SYT14: variants seen among roughly 807,000 people sequenced by gnomAD.
SYT14 encodes synaptotagmin-14.
Under a neutral mutation model 74.2 loss-of-function variants are expected in SYT14, and 32 were observed. That is an observed-to-expected ratio of 0.43 (90% CI 0.33 to 0.58). The LOEUF is 0.58. Among genes scored for constraint, SYT14 ranks in the 20% least tolerant of loss-of-function variants. SYT14 has a pLI of 0.05. For missense variants in SYT14, 791 were observed against 981.8 expected (o/e 0.81, Z 2.60); for synonymous variants, 298 against 337.7 (o/e 0.88, Z 1.29).
At chr1:209,978,020 C>T (rs950442143) in intron 2 of SYT14, among the ~76,000 whole-genome samples, 7 of 152,140 alleles carry the variant, frequency 4.6e-5, no homozygotes, top group Non-Finnish European at 7.3e-5. Context: ...CTTGTGCATT[C>T]GTCACGTAGT....
At chr1:210,141,388 C>T (rs1159389234) in intron 7 of SYT14, among the ~76,000 whole-genome samples, 1 of 152,086 alleles carries the variant, frequency 6.6e-6, no homozygotes, top group Non-Finnish European at 1.5e-5. Context: ...GATCACAAAT[C>T]CTGAAGCTTT....
At chr1:209,964,408 A>AT (rs1165599731) in intron 2 of SYT14, among the ~76,000 whole-genome samples, 2 of 151,984 alleles carry the variant, frequency 1.3e-5, no homozygotes, top group Non-Finnish European at 2.9e-5. Context: ...TGTAGTTAAG[A>AT]TTTTTTTCTT....
At chr1:210,135,910 G>A (rs2082775749) in intron 7 of SYT14, among the ~76,000 whole-genome samples, 1 of 152,200 alleles carries the variant, frequency 6.6e-6, no homozygotes, top group Non-Finnish European at 1.5e-5. Flanking sequence ...TGTTCAGAAT[G>A]TGAATTATTC....
At chr1:209,977,016 T>C (rs2079378932) in intron 2 of SYT14, among the ~76,000 whole-genome samples, 2 of 152,238 alleles carry the variant, frequency 1.3e-5, no homozygotes, top group Non-Finnish European at 2.9e-5. Context: ...TATCAGAGAC[T>C]AGGTTTGCAA....
intron 5 of SYT14, among the ~76,000 whole-genome samples, chr1:210,089,943 G>A (rs1263054837): frequency 1.3e-5 from 2 of 152,188 alleles, no homozygotes; most frequent in East Asian, 1.9e-4. Context: ...AACCTCTAGC[G>A]GTTTCCCATT....
chr1:210,120,375 T>TG lies in SYT14; in HGVS notation c.2034+19914_2034+19915insG, dbSNP rs200434654. ...TTTGGTGTTTTTGCTGTTTTTTTTT[T>TG]TTTTGTTTGAGATAGGGTCACTCTG... On this transcript the variant is annotated intron_variant, in intron 7 of 9. Coordinates refer to ENST00000637265, the Ensembl canonical transcript of SYT14. Among the ~76,000 whole-genome samples the TG allele has an allele frequency of 7.6e-3, 1,105 of 145,748 alleles. 7 individuals carry two copies. The highest frequency in any genetic ancestry group is 0.029 in the African/African-American group (1,037 of 36,056).
chr1:210,005,253 C>G (rs1026068786), intron 2 of SYT14, among the ~76,000 whole-genome samples: 21 of 151,848 alleles, frequency 1.4e-4, no homozygotes, highest in African/African-American at 4.8e-4. Flanking sequence ...ACCAGGTGTC[C>G]TAATATTAAA....
At position 210,056,341 on chromosome 1, in the gene SYT14, A is replaced by G. The variant is rs1286603933; in HGVS notation, c.1312+35087A>G. On this transcript the variant is annotated intron_variant, in intron 5 of 9. Transcript: ENST00000637265. ...CCCCCCACCAAAAAAATATTCCACAAGTTTTAAACATGTTTTTCATTAAGG... is the reference window on the plus strand; with the variant it reads ...CCCCCCACCAAAAAAATATTCCACAGGTTTTAAACATGTTTTTCATTAAGG... Among the ~76,000 whole-genome samples, 5 of 152,122 alleles carry G rather than the reference A, an allele frequency of 3.3e-5. No individual in the cohort carries two copies. In the East Asian group the frequency reaches 5.8e-4, roughly 18 times the overall value.
intron 7 of SYT14, among the ~76,000 whole-genome samples, chr1:210,118,586 C>T (rs2082402923): frequency 6.6e-6 from 1 of 152,088 alleles, no homozygotes; most frequent in African/African-American, 2.4e-5. Context: ...AAGTGATTCT[C>T]CTGCTTCAGC....
chr1:210,135,419 G>T (rs929251893), intron 7 of SYT14, among the ~76,000 whole-genome samples: 2 of 152,072 alleles, frequency 1.3e-5, no homozygotes, highest in Non-Finnish European at 2.9e-5. Context: ...AGATTTTTCA[G>T]CCTCTATAAG....
intron 7 of SYT14, among the ~76,000 whole-genome samples, chr1:210,108,857 CAAG>C (rs1396569775): frequency 6.6e-6 from 1 of 151,970 alleles, no homozygotes; most frequent in Non-Finnish European, 1.5e-5. Flanking sequence ...AGTAGCTAAG[CAAG>C]AAGTGTTGAA....
Position 210,026,491 on chromosome 1 carries a change from T to C in SYT14, c.1312+5237T>C, listed in dbSNP as rs561488558. Among the ~76,000 whole-genome samples the C allele has an allele frequency of 5.3e-5, 8 of 152,186 alleles. No individual in the cohort carries two copies. In the South Asian group the frequency reaches 1.2e-3, roughly 24 times the overall value. ...CATAGAGATTACGTAGCTATACTTATGTATTATGGAAAGCTGTATTATTAA... is the reference window on the plus strand; with the variant it reads ...CATAGAGATTACGTAGCTATACTTACGTATTATGGAAAGCTGTATTATTAA... On this transcript the variant is annotated intron_variant, in intron 5 of 9. Transcript: ENST00000637265.
At chr1:210,169,858 A>G (rs2083504343) in exon 10 of SYT14, 1 of 152,096 alleles carries the variant, frequency 6.6e-6, no homozygotes, top group African/African-American at 2.4e-5. Context: ...TTATTTCTCA[A>G]AATAATGAAA....
At chr1:209,942,930 G>A (rs1019104579) in intron 1 of SYT14, among the ~76,000 whole-genome samples, 7 of 152,214 alleles carry the variant, frequency 4.6e-5, no homozygotes, top group African/African-American at 1.7e-4. Context: ...GTGTGTGTGT[G>A]TATATAGTGC....
chr1:210,163,194 T>C, exon 10 of SYT14: 1 of 453,656 alleles, frequency 2.2e-6, no homozygotes, highest in Non-Finnish European at 4.4e-6. Flanking sequence ...AACACATTAG[T>C]AAGACCAGCT....
At chr1:210,124,942 C>G (rs1035832627) in intron 7 of SYT14, among the ~76,000 whole-genome samples, 10 of 151,888 alleles carry the variant, frequency 6.6e-5, no homozygotes, top group Non-Finnish European at 1.2e-4. Context: ...TAGTCAGGTT[C>G]CAACAATTAA....
chr1:210,117,356 A>T (rs2082381349), intron 7 of SYT14, among the ~76,000 whole-genome samples: 1 of 152,160 alleles, frequency 6.6e-6, no homozygotes, highest in Admixed American at 6.5e-5. Context: ...TTCAAAACTT[A>T]GCTTCATCTG....
At chr1:210,093,401 T>A (rs557405040) in intron 5 of SYT14, among the ~76,000 whole-genome samples, 45 of 144,328 alleles carry the variant, frequency 3.1e-4, no homozygotes, top group Admixed American at 1.0e-3. Context: ...ATGTTTAGTA[T>A]TGCATTCAGG....
Position 210,100,475 on chromosome 1 carries a change from C to G in SYT14, c.2034+14C>G. 6.2e-7 allele frequency: 1 copy of G among 1,608,168 alleles called. No homozygotes were observed. The highest frequency in any genetic ancestry group is 1.3e-5 in the African/African-American group (1 of 74,930). On this transcript the variant is annotated intron_variant, in intron 7 of 9. Transcript: ENST00000637265. ...TACAATCATTCTGTGAGTATCTCAT[C>G]AAATGGCCTGAATACAGTTTATGTT... is the stretch of plus-strand genomic sequence containing the variant.
Sources: gnomAD v4.1 joint callset for allele counts (sites outside exome capture counted in the v4.1 genomes callset) on GRCh38, gnomAD v4.1.1 for gene constraint, MANE v1.5 for transcripts, NCBI Gene and HGNC (gene_info 2026-07-23, HGNC 2026-07-21) for gene names.